Variants in FGF12 observed in about 807,000 individuals in gnomAD.
FGF12 encodes the protein fibroblast growth factor 12B.
In FGF12, 14 loss-of-function variants were observed where a neutral mutation model predicts 23.6. The ratio of observed to expected loss-of-function variants is 0.59; its 90% CI spans 0.39 to 0.93. The LOEUF (loss-of-function observed/expected upper bound fraction) is 0.93, where lower values mean the gene tolerates loss of function less well. Among genes scored for constraint, FGF12 ranks in the 40% least tolerant of loss-of-function variants. The pLI, the probability that FGF12 is intolerant of heterozygous loss-of-function variation, is 0.00. For synonymous variants in FGF12, 62 were observed against 77.3 expected (o/e 0.80, Z 1.04); for missense variants, 175 against 217.8 (o/e 0.80, Z 1.24).
At chr3:192,448,877 T>C (rs1471847771) in intron 2 of FGF12, among the ~76,000 whole-genome samples, 3 of 152,202 alleles carry the variant, frequency 2.0e-5, no homozygotes, top group Admixed American at 6.5e-5. Flanking sequence ...TTCCCAAATA[T>C]AATCTTAAAA....
chr3:192,295,256 G>A (rs1208609179), intron 4 of FGF12, among the ~76,000 whole-genome samples: 2 of 152,126 alleles, frequency 1.3e-5, no homozygotes, highest in Non-Finnish European at 2.9e-5. Flanking sequence ...CTAGTAATTG[G>A]ATTTCCGCAC....
At chr3:192,347,367 T>C (rs1390443894) in intron 3 of FGF12, among the ~76,000 whole-genome samples, 1 of 152,176 alleles carries the variant, frequency 6.6e-6, no homozygotes, top group Non-Finnish European at 1.5e-5. Context: ...AAATTTGCAT[T>C]TTAACACAAT....
chr3:192,214,231 C>T (rs1560195185), intron 4 of FGF12, among the ~76,000 whole-genome samples: 1 of 152,160 alleles, frequency 6.6e-6, no homozygotes, highest in Admixed American at 6.5e-5. Flanking sequence ...CAGTGTTATA[C>T]TCATTTTACT....
intron 2 of FGF12, among the ~76,000 whole-genome samples, chr3:192,596,277 T>C (rs560763226): frequency 6.6e-5 from 10 of 152,052 alleles, no homozygotes; most frequent in Admixed American, 6.6e-4. Context: ...GTCAAGACTG[T>C]TCAATGACTA....
chr3:192,523,605 T>C (rs1724873879), intron 2 of FGF12, among the ~76,000 whole-genome samples: 1 of 152,216 alleles, frequency 6.6e-6, no homozygotes, highest in Non-Finnish European at 1.5e-5. Context: ...TTTCGTATTA[T>C]CCAAGCTCTC....
At chr3:192,332,965 T>C (rs1717202929) in intron 4 of FGF12, among the ~76,000 whole-genome samples, 1 of 152,064 alleles carries the variant, frequency 6.6e-6, no homozygotes, top group Admixed American at 6.6e-5. Flanking sequence ...TGAGGCAAGT[T>C]TGACTTAAGT....
At chr3:192,551,291 A>T (rs988400659) in intron 2 of FGF12, among the ~76,000 whole-genome samples, 1 of 152,222 alleles carries the variant, frequency 6.6e-6, no homozygotes, top group Non-Finnish European at 1.5e-5. Context: ...CACAGATCAG[A>T]GTTTCGGGCT....
chr3:192,180,298 GTATAT>G (rs1716099956), intron 4 of FGF12, among the ~76,000 whole-genome samples: 2 of 152,148 alleles, frequency 1.3e-5, no homozygotes, highest in Admixed American at 6.5e-5. Context: ...TGGGTGAGGG[GTATAT>G]TATATTACAA....
chr3:192,273,340 C>T (rs926319219), intron 4 of FGF12, among the ~76,000 whole-genome samples: 1 of 152,064 alleles, frequency 6.6e-6, no homozygotes, highest in Non-Finnish European at 1.5e-5. Context: ...TACTCTGATC[C>T]AAGGAGAAAG....
At chr3:192,261,212 G>A (rs1712727686) in intron 4 of FGF12, among the ~76,000 whole-genome samples, 1 of 152,160 alleles carries the variant, frequency 6.6e-6, no homozygotes, top group South Asian at 2.1e-4. Flanking sequence ...AGGAAAAAAA[G>A]ATGGCTTTTA....
intron 2 of FGF12, among the ~76,000 whole-genome samples, chr3:192,482,995 T>G (rs1414662032): frequency 6.6e-6 from 1 of 152,128 alleles, no homozygotes; most frequent in Non-Finnish European, 1.5e-5. Context: ...AGAATAGAAT[T>G]TATAGTCTTC....
chr3:192,720,912 C>T (rs1311985401), intron 2 of FGF12, among the ~76,000 whole-genome samples: 3 of 152,130 alleles, frequency 2.0e-5, no homozygotes, highest in African/African-American at 7.2e-5. Context: ...CCGATTAAGA[C>T]CATTGTTAGT....
chr3:192,656,280 GACACAC>G (rs61645270), intron 2 of FGF12, among the ~76,000 whole-genome samples: 6,815 of 110,430 alleles, frequency 0.062, 268 homozygotes, highest in African/African-American at 0.13. Context: ...AAGGTGAAAA[GACACAC>G]ACACACACAC....
chr3:192,308,041 T>A (rs978020870), intron 4 of FGF12, among the ~76,000 whole-genome samples: 1 of 152,190 alleles, frequency 6.6e-6, no homozygotes, highest in Non-Finnish European at 1.5e-5. Context: ...AAGAAATGAA[T>A]TTTTACTATA....
At chr3:192,167,750 TATATATATATATATATATAAAA>T (rs1715267840) in intron 5 of FGF12, among the ~76,000 whole-genome samples, 10 of 26,514 alleles carry the variant, frequency 3.8e-4, no homozygotes, top group East Asian at 7.6e-4. Context: ...TATATATATA[TATATATATATATATATATAAAA>T]TTTTTTTTTT....
intron 3 of FGF12, among the ~76,000 whole-genome samples, chr3:192,349,688 A>C (rs1441139525): frequency 1.3e-5 from 2 of 152,086 alleles, no homozygotes; most frequent in Non-Finnish European, 2.9e-5. Flanking sequence ...TTTCCAGACT[A>C]AGCATACTCA....
At chr3:192,279,380 G>A (rs924863076) in intron 4 of FGF12, among the ~76,000 whole-genome samples, 4 of 152,012 alleles carry the variant, frequency 2.6e-5, no homozygotes, top group Admixed American at 2.0e-4. Flanking sequence ...TCAATAGCTT[G>A]CTTGAATTGA....
At chr3:192,168,532 C>G (rs1715355978) in intron 5 of FGF12, among the ~76,000 whole-genome samples, 2 of 152,138 alleles carry the variant, frequency 1.3e-5, no homozygotes, top group South Asian at 4.1e-4. Context: ...TTCTCTGAGT[C>G]CCAATATAAA....
At chr3:192,569,395 T>G (rs930328387) in intron 2 of FGF12, among the ~76,000 whole-genome samples, 2 of 152,238 alleles carry the variant, frequency 1.3e-5, no homozygotes, top group South Asian at 2.1e-4. Context: ...TTCTATCTCC[T>G]TAATTTCTAA....
Sources: gnomAD v4.1 joint callset for allele counts (sites outside exome capture counted in the v4.1 genomes callset) on GRCh38, gnomAD v4.1.1 for gene constraint, MANE v1.5 for transcripts, NCBI Gene and HGNC (gene_info 2026-07-23, HGNC 2026-07-21) for gene names.